Variants in TPO observed in about 807,000 individuals in gnomAD.
TPO encodes thyroid peroxidase.
TPO carries 78 observed loss-of-function variants against 96.9 expected under a neutral mutation model. That is an observed-to-expected ratio of 0.81 (90% CI 0.67 to 0.97). The LOEUF (loss-of-function observed/expected upper bound fraction) is 0.97. TPO is among the 50% of genes least tolerant of loss of function. TPO has a pLI of 0.00. For missense variants in TPO, 1,252 were observed against 1,274.8 expected (o/e 0.98, Z 0.27); for synonymous variants, 547 against 538.0 (o/e 1.02, Z -0.23).
At chr2:1,416,144 G>A (rs958103768) in intron 2 of TPO, among the ~76,000 whole-genome samples, 2 of 152,176 alleles carry the variant, frequency 1.3e-5, no homozygotes, top group Admixed American at 6.5e-5. Flanking sequence ...CATTTAAAGC[G>A]GTGAATGCAG....
chr2:1,485,679 T>A (rs1671092597), intron 9 of TPO, among the ~76,000 whole-genome samples: 1 of 151,878 alleles, frequency 6.6e-6, no homozygotes, highest in Non-Finnish European at 1.5e-5. Context: ...TTTTTTCATG[T>A]GTCTGTTGGC....
chr2:1,496,324 C>T, intron 12 of TPO, 127 bp downstream of exon 12: 1 of 1,211,936 alleles, frequency 8.3e-7, no homozygotes, highest in South Asian at 1.3e-5. Flanking sequence ...CTGCCTTACA[C>T]CCTCAGGGCA....
intron 2 of TPO, among the ~76,000 whole-genome samples, chr2:1,416,862 A>T (rs1663014750): frequency 6.6e-6 from 1 of 152,204 alleles, no homozygotes; most frequent in Non-Finnish European, 1.5e-5. Flanking sequence ...CCTGCTCCCC[A>T]GCCTCTGTGC....
chr2:1,463,890 T>C (rs927686388), intron 7 of TPO, among the ~76,000 whole-genome samples: 1 of 152,244 alleles, frequency 6.6e-6, no homozygotes, highest in Non-Finnish European at 1.5e-5. Flanking sequence ...ATGAATTATG[T>C]TCATGTTGGA....
intron 14 of TPO, among the ~76,000 whole-genome samples, chr2:1,512,655 G>A (rs890139645): frequency 6.6e-6 from 1 of 152,218 alleles, no homozygotes; most frequent in East Asian, 1.9e-4. Context: ...CTTCCTCTCC[G>A]ACAGCTGCCG....
At chr2:1,471,375 G>A (rs1358447776) in intron 7 of TPO, among the ~76,000 whole-genome samples, 4 of 151,976 alleles carry the variant, frequency 2.6e-5, no homozygotes, top group Admixed American at 6.5e-5. Flanking sequence ...CTGAAAGCGA[G>A]TTGAGTTACG....
At chr2:1,457,383 G>T (rs11691743) in intron 7 of TPO, among the ~76,000 whole-genome samples, 3,492 of 43,224 alleles carry the variant, frequency 0.081, 275 homozygotes, top group East Asian at 0.18. Flanking sequence ...GTATGATACT[G>T]TGGGTACACA....
chr2:1,409,030 A>G (rs12471910), upstream of TPO, among the ~76,000 whole-genome samples: 86,655 of 152,012 alleles, frequency 0.57, 24,987 homozygotes, highest in Admixed American at 0.66. Context: ...GTAGAAACGC[A>G]AAGCACAGGG....
Position 1,531,695 on chromosome 2 carries a change from T to C in TPO, c.2619-8899T>C, listed in dbSNP as rs1424697636. Among the ~76,000 whole-genome samples the C allele has an allele frequency of 1.1e-4, 9 of 78,296 alleles. 1 individual carries two copies. The East Asian group carries it at 2.6e-3, about 23-fold the overall frequency. 51.4% of individuals were successfully genotyped at this position (78,296 alleles called of 152,430 possible). On this transcript the variant is annotated intron_variant, in intron 15 of 16. Transcript: ENST00000329066. ...AATCTCCCCAAATCCCGCCCACTCT[T>C]TGCAACCTCGCCAAATCCCCCCCAC...
At position 1,484,584 on chromosome 2, in the gene TPO, C is replaced by G. The variant is rs368679630; in HGVS notation, c.1339-12C>G. ...CCTGGGCCTCACTGAGATGCTTTTC[C>G]TATCTGCACAGATCATCACCCTGAG... is the stretch of plus-strand genomic sequence containing the variant. On this transcript the variant is annotated splice_polypyrimidine_tract_variant and intron_variant, in intron 8 of 16. Coordinates refer to ENST00000329066, the MANE Select transcript of TPO (RefSeq NM_001206744.2). The G allele has an allele frequency of 4.5e-5, 73 of 1,613,920 alleles. No individual in the cohort carries two copies. Among genetic ancestry groups the G allele is most frequent in the Non-Finnish European group, 5.8e-5 (69 of 1,180,010 alleles).
chr2:1,415,536 A>T (rs1004547858), intron 2 of TPO, among the ~76,000 whole-genome samples: 1 of 146,406 alleles, frequency 6.8e-6, no homozygotes, highest in African/African-American at 2.6e-5. Context: ...GGAGCAGGTG[A>T]CACCTTGCCG....
intron 14 of TPO, among the ~76,000 whole-genome samples, chr2:1,506,031 C>T (rs1056776633): frequency 6.6e-6 from 1 of 151,282 alleles, no homozygotes; most frequent in Non-Finnish European, 1.5e-5. Context: ...TGCTATCCTT[C>T]CCCCCTCCCC....
chr2:1,535,412 C>T (rs1218582993), intron 15 of TPO, among the ~76,000 whole-genome samples: 1 of 91,958 alleles, frequency 1.1e-5, no homozygotes, highest in Non-Finnish European at 2.3e-5. Context: ...TCCCCAAATC[C>T]CCCTACTGTG....
intron 7 of TPO, among the ~76,000 whole-genome samples, chr2:1,470,458 A>AT (rs1669293345): frequency 1.3e-5 from 2 of 151,320 alleles, no homozygotes; most frequent in Admixed American, 6.6e-5. Context: ...ATTTTCGTCA[A>AT]TTTTTTTTCT....
At chr2:1,487,524 G>A (rs183671805) in intron 9 of TPO, among the ~76,000 whole-genome samples, 1 of 149,340 alleles carries the variant, frequency 6.7e-6, no homozygotes, top group Admixed American at 6.6e-5. Context: ...CACCAGGTCA[G>A]GAGATTGAGA....
In TPO at chr2:1,529,236, A is replaced by G. The variant is rs1309114494; in HGVS notation, c.2619-11358A>G. 1.1e-4 allele frequency among the ~76,000 whole-genome samples: 4 copies of G among 36,128 alleles called. No homozygotes were observed. The East Asian group carries it at 3.2e-3, about 29-fold the overall frequency. 23.7% of individuals were successfully genotyped at this position (36,128 alleles called of 152,430 possible). A position where few individuals can be genotyped will look rare whatever the true frequency, so the allele number is the denominator to read the frequency against. On this transcript the variant is annotated intron_variant, in intron 15 of 16. Coordinates refer to ENST00000329066, the MANE Select transcript of TPO (RefSeq NM_001206744.2). ...CCTCAAATCCCCCCCACTGTGTGCAACCGTGCTAAATCCCCCCACTCTGTG... is the reference window on the plus strand; with the variant it reads ...CCTCAAATCCCCCCCACTGTGTGCAGCCGTGCTAAATCCCCCCACTCTGTG...
At chr2:1,510,967 G>A (rs1291319343) in intron 14 of TPO, among the ~76,000 whole-genome samples, 9 of 152,126 alleles carry the variant, frequency 5.9e-5, no homozygotes, top group Non-Finnish European at 1.0e-4. Flanking sequence ...AAGTTTAGAC[G>A]TAGATACACA....
intron 15 of TPO, among the ~76,000 whole-genome samples, chr2:1,533,186 C>G (rs1490664536): frequency 4.3e-5 from 3 of 70,470 alleles, no homozygotes; most frequent in Non-Finnish European, 7.2e-5. Context: ...AATCCCCCCA[C>G]TGTGTGCAAT....
In TPO at chr2:1,444,142, G is replaced by A. The variant is rs1311593575; in HGVS notation, c.482+7758G>A. Among the ~76,000 whole-genome samples, 295 of 81,216 alleles carry A rather than the reference G, an allele frequency of 3.6e-3. 1 individual carries two copies. The highest frequency in any genetic ancestry group is 0.015 in the Middle Eastern group (1 of 66). 53.3% of individuals were successfully genotyped at this position (81,216 alleles called of 152,430 possible). On this transcript the variant is annotated intron_variant, in intron 5 of 16. Transcript: ENST00000329066. ...GTTTGTATGATCCAGTCACTGCTGC[G>A]GGAGGCACCATGTTGGAAGGGAATG...
Sources: allele counts gnomAD v4.1 joint callset (sites outside exome capture counted in the v4.1 genomes callset), GRCh38; gene constraint gnomAD v4.1.1; transcripts MANE v1.5; gene names NCBI Gene and HGNC (gene_info 2026-07-23, HGNC 2026-07-21).